Variants in NUP210 observed in about 807,000 individuals in gnomAD.
The protein encoded by NUP210 is nuclear pore membrane glycoprotein 210.
In NUP210, 151 loss-of-function variants were observed where a neutral mutation model predicts 196.0. The observed-to-expected ratio is 0.77, with a 90% confidence interval of 0.67 to 0.88. The LOEUF (loss-of-function observed/expected upper bound fraction) is 0.88. Among genes scored for constraint, NUP210 ranks in the 40% least tolerant of loss-of-function variants. The pLI is 0.00. For missense variants in NUP210, 2,314 were observed against 2,493.7 expected (o/e 0.93, Z 1.53); for synonymous variants, 1,070 against 1,052.7 (o/e 1.02, Z -0.32).
intron 21 of NUP210, among the ~76,000 whole-genome samples, chr3:13,342,506 AAAC>A (rs1576363656): frequency 6.6e-6 from 1 of 152,352 alleles, no homozygotes; most frequent in East Asian, 1.9e-4. Flanking sequence ...CACAGCGAAG[AAAC>A]AGATGATTAG....
At chr3:13,332,426 G>A (rs368322673) in intron 28 of NUP210, 42 bp from the exon 29 acceptor site, 42 of 1,468,074 alleles carry the variant, frequency 2.9e-5, no homozygotes, top group Non-Finnish European at 3.8e-5. Flanking sequence ...GGGCACTGGA[G>A]TCACATTCAG....
chr3:13,373,492 T>C (rs6774485), intron 12 of NUP210, among the ~76,000 whole-genome samples: 89,108 of 152,092 alleles, frequency 0.59, 27,441 homozygotes, highest in African/African-American at 0.78. Context: ...GAAACCCAGC[T>C]CTGTGGACAC....
intron 20 of NUP210, among the ~76,000 whole-genome samples, chr3:13,346,596 C>A (rs1697738754): frequency 6.6e-6 from 1 of 152,172 alleles, no homozygotes; most frequent in African/African-American, 2.4e-5. Context: ...CATGTGGGGG[C>A]TGAAACTGTC....
intron 13 of NUP210, among the ~76,000 whole-genome samples, chr3:13,370,032 T>C (rs1341875090): frequency 3.9e-5 from 6 of 152,182 alleles, no homozygotes; most frequent in African/African-American, 1.2e-4. Context: ...CAAATTTGTT[T>C]CTTTAGCTGA....
At chr3:13,384,667 A>G (rs1699215537) in intron 6 of NUP210, among the ~76,000 whole-genome samples, 1 of 152,268 alleles carries the variant, frequency 6.6e-6, no homozygotes, top group Admixed American at 6.5e-5. Flanking sequence ...AGCAGTGACT[A>G]GGCTCTCCAA....
intron 1 of NUP210, among the ~76,000 whole-genome samples, chr3:13,405,674 T>C (rs1210983390): frequency 2.0e-5 from 3 of 152,182 alleles, no homozygotes; most frequent in Non-Finnish European, 2.9e-5. Flanking sequence ...AAGGGCACCA[T>C]GTATCAGGCC....
At chr3:13,325,964 C>T (rs1696735016) in intron 32 of NUP210, 33 bp from the exon 33 acceptor site, 1 of 1,610,842 alleles carries the variant, frequency 6.2e-7, no homozygotes, top group African/African-American at 1.3e-5. Context: ...AGCCCCCTTT[C>T]CATAGCTGGA....
intron 3 of NUP210, among the ~76,000 whole-genome samples, chr3:13,393,698 G>A (rs930148877): frequency 1.4e-4 from 21 of 152,232 alleles, no homozygotes; most frequent in African/African-American, 4.8e-4. Context: ...ATCCCTAAGG[G>A]TGGCAAGGGG....
chr3:13,332,516 G>A (rs377111192), intron 28 of NUP210, 132 bp from the exon 29 acceptor site: 7 of 688,854 alleles, frequency 1.0e-5, no homozygotes, highest in East Asian at 2.6e-5. Context: ...CGTCTGTCAG[G>A]TCACTGATGA....
At chr3:13,349,261 A>G (rs917627419) in intron 20 of NUP210, among the ~76,000 whole-genome samples, 3 of 152,144 alleles carry the variant, frequency 2.0e-5, no homozygotes, top group Non-Finnish European at 2.9e-5. Flanking sequence ...CCAAGATCAC[A>G]GGACTCCCTC....
intron 29 of NUP210, 123 bp downstream of exon 29, chr3:13,332,170 C>A: frequency 1.3e-6 from 1 of 744,340 alleles, no homozygotes. Context: ...CTCACCCATT[C>A]CAAGCACAGC....
intron 20 of NUP210, 39 bp from the exon 21 acceptor site, chr3:13,343,342 G>GGGGGGGGGGGGGGGGGGGC: frequency 3.0e-6 from 2 of 655,986 alleles, no homozygotes; most frequent in East Asian, 4.4e-5. Flanking sequence ...TGGGTGGTGG[G>GGGGGGGGGGGGGGGGGGGC]TTACGCAGCT....
rs1419921618 is a variant in NUP210, at chr3:13,360,589, C to T, written c.1933-98G>A. ...CACATCCTCACCCCGCTTGTGGGGG[C>T]TGGTGGTCAGGCAAGCCCCATCTCC... On this transcript the variant is annotated intron_variant, in intron 14 of 39. Coordinates refer to ENST00000254508, the MANE Select transcript of NUP210 (RefSeq NM_024923.4). 9 of 903,294 alleles carry T rather than the reference C, an allele frequency of 1.0e-5. No individual in the cohort carries two copies. The African/African-American group carries it at 1.5e-4, about 15-fold the overall frequency. 56.0% of individuals were successfully genotyped at this position (903,294 alleles called of 1,614,324 possible).
rs1290758271 is a variant in NUP210 at position 13,391,435 on chromosome 3, T to C, written c.437-128A>G. The stretch of plus-strand genomic sequence containing the variant: ...ATCACCACCCACCAGGCAGGTGTCA[T>C]AAACTGTATGTCAGGAGAGGAAACT... On this transcript the variant is annotated intron_variant, in intron 3 of 39. Transcript: ENST00000254508. The C allele has an allele frequency of 3.6e-5, 24 of 666,198 alleles. No individual in the cohort carries two copies. In the South Asian group the frequency reaches 3.9e-4, roughly 11 times the overall value. The allele number at this position is 666,198 out of a possible 1,614,324, so 41.3% of individuals were successfully genotyped here.
intron 25 of NUP210, among the ~76,000 whole-genome samples, chr3:13,339,389 G>A (rs61661925): frequency 0.034 from 5,211 of 152,290 alleles, 126 homozygotes; most frequent in East Asian, 0.074. Context: ...GGTTTCTGGC[G>A]CAGCTGTGAG....
chr3:13,414,427 C>G (rs991263802), intron 1 of NUP210, among the ~76,000 whole-genome samples: 1 of 152,214 alleles, frequency 6.6e-6, no homozygotes, highest in African/African-American at 2.4e-5. Context: ...AAGGCCCGGT[C>G]CAGCCCTGCA....
chr3:13,317,252 C>A lies in NUP210; in HGVS notation c.*429G>T. ...GGGGGAAAAACCCCACCAAAAACCC[C>A]CTAAAGTAACTGGACAATCCTTTCC... On this transcript the variant is annotated 3_prime_UTR_variant, in exon 40 of 40. Coordinates refer to ENST00000254508, the MANE Select transcript of NUP210 (RefSeq NM_024923.4). 5.4e-6 allele frequency: 1 copy of A among 185,168 alleles called. No individual in the cohort carries two copies. The allele number at this position is 185,168 out of a possible 1,614,324, so 11.5% of individuals were successfully genotyped here. A position where few individuals can be genotyped will look rare whatever the true frequency, so the allele number is the denominator to read the frequency against.
rs748750226 is a variant in NUP210, at chr3:13,339,942, A to C, written c.3383T>G (p.Val1128Gly). The C allele has an allele frequency of 1.9e-6, 3 of 1,614,056 alleles. No homozygotes were observed. Among genetic ancestry groups the C allele is most frequent in the Non-Finnish European group, 2.5e-6 (3 of 1,180,048 alleles). ...SVALVSAAGL[V>G]QGLAIGNGTV... ...GCCGTTCCCGATGGCGAGGCCCTGT[A>C]CCAGCCCAGCAGCGCTCACCAGCGC... The change falls in exon 25 of 40, where the codon GTA becomes GGA. Residue 1128 changes from valine to glycine, a missense_variant. Val to Gly is a moderately radical substitution (Grantham distance 109). Transcript: ENST00000254508.
At chr3:13,367,459 T>C (rs1214794366) in intron 13 of NUP210, among the ~76,000 whole-genome samples, 2 of 152,090 alleles carry the variant, frequency 1.3e-5, no homozygotes, top group Non-Finnish European at 2.9e-5. Context: ...TAATATTTAA[T>C]TCACATGAGT....
Sources: allele counts gnomAD v4.1 joint callset (sites outside exome capture counted in the v4.1 genomes callset), GRCh38; gene constraint gnomAD v4.1.1; transcripts MANE v1.5; gene names NCBI Gene and HGNC (gene_info 2026-07-23, HGNC 2026-07-21).